Variants in TP63 observed in about 807,000 individuals in gnomAD.
The protein encoded by TP63 is tumor protein p63, also known as tumor protein 63.
In TP63, 17 loss-of-function variants were observed where a neutral mutation model predicts 82.8. The ratio of observed to expected loss-of-function variants is 0.21; its 90% CI spans 0.14 to 0.31. The LOEUF is 0.31. TP63 is among the 10% of genes least tolerant of loss of function. The pLI, the probability that TP63 is intolerant of heterozygous loss-of-function variation, is 1.00. For missense variants in TP63, 648 were observed against 895.3 expected, an observed-to-expected ratio of 0.72 and a Z score of 3.52; for synonymous variants, 330 against 321.7, an observed-to-expected ratio of 1.03 and a Z score of -0.28.
chr3:189,659,886 A>G (rs1427760530), intron 1 of TP63, among the ~76,000 whole-genome samples: 3 of 151,856 alleles, frequency 2.0e-5, no homozygotes, highest in African/African-American at 4.8e-5. Flanking sequence ...TCTTTTGACC[A>G]TTTTTAATGG....
chr3:189,700,855 G>T (rs1286555515), intron 1 of TP63, among the ~76,000 whole-genome samples: 1 of 152,064 alleles, frequency 6.6e-6, no homozygotes, highest in African/African-American at 2.4e-5. Context: ...TTTGGGATGG[G>T]ATGGTAATAA....
At chr3:189,789,730 G>A (rs201196077) in intron 3 of TP63, 89 of 1,288,386 alleles carry the variant, frequency 6.9e-5, no homozygotes, top group Non-Finnish European at 8.2e-5. Flanking sequence ...TAAGGGTCTC[G>A]GGGTGGGGGG....
intron 3 of TP63, among the ~76,000 whole-genome samples, chr3:189,771,676 A>G (rs1723386641): frequency 6.6e-6 from 1 of 151,638 alleles, no homozygotes; most frequent in South Asian, 2.1e-4. Flanking sequence ...CAGTATAAGT[A>G]CAACTCATGA....
chr3:189,826,696 C>T (rs1462170665), intron 4 of TP63, among the ~76,000 whole-genome samples: 4 of 152,114 alleles, frequency 2.6e-5, no homozygotes, highest in Non-Finnish European at 5.9e-5. Flanking sequence ...TACTAACCAC[C>T]GAAACTGGTG....
At chr3:189,745,111 G>A (rs1321192903) in intron 3 of TP63, among the ~76,000 whole-genome samples, 3 of 152,088 alleles carry the variant, frequency 2.0e-5, no homozygotes, top group African/African-American at 4.8e-5. Context: ...AATGTCTTCA[G>A]GAAATTGTCC....
At chr3:189,742,451 A>C (rs187361804) in intron 3 of TP63, among the ~76,000 whole-genome samples, 150 of 151,906 alleles carry the variant, frequency 9.9e-4, no homozygotes, top group African/African-American at 3.3e-3. Context: ...GAACCCTTTT[A>C]ACCTGTATTG....
intron 4 of TP63, among the ~76,000 whole-genome samples, chr3:189,849,768 G>A (rs930382971): frequency 1.3e-5 from 2 of 151,980 alleles, no homozygotes; most frequent in African/African-American, 4.8e-5. Context: ...TGAAGCGCGT[G>A]CTCAATAAAT....
At chr3:189,598,321 G>C in the TP63 span, among the ~76,000 whole-genome samples, 5 of 151,140 alleles carry the variant, frequency 3.3e-5, no homozygotes, top group Non-Finnish European at 4.4e-5. Flanking sequence ...GAACGGAATG[G>C]GAGAGGAGAG....
intron 4 of TP63, among the ~76,000 whole-genome samples, chr3:189,821,532 G>A (rs1055122364): frequency 2.0e-5 from 3 of 152,180 alleles, no homozygotes; most frequent in Non-Finnish European, 4.4e-5. Context: ...GAATTAGAGT[G>A]TTGCCTGGGT....
At chr3:189,600,021 A>C in the TP63 span, among the ~76,000 whole-genome samples, 4 of 152,230 alleles carry the variant, frequency 2.6e-5, no homozygotes, top group East Asian at 5.8e-4. Context: ...CCATTTCAAA[A>C]TCACGTAATT....
intron 5 of TP63, among the ~76,000 whole-genome samples, chr3:189,866,185 A>AGGG (rs1241374052): frequency 6.6e-6 from 1 of 152,186 alleles, no homozygotes; most frequent in Non-Finnish European, 1.5e-5. Context: ...CTTTATAATC[A>AGGG]ACACAATGTT....
rs2108854610 is a variant in TP63, at chr3:189,886,558, G to A, written c.1507+7G>A. 6.2e-7 allele frequency: 1 copy of A among 1,613,910 alleles called. No homozygotes were observed. Among genetic ancestry groups the A allele is most frequent in the South Asian group, 1.1e-5 (1 of 91,074 alleles). ...GATGGCATGGGAGCCAACAGTAAGA[G>A]CATCTCCTTTTAGCTGTGGCTGAAG... On this transcript the variant is annotated splice_region_variant and intron_variant, in intron 11 of 13. Coordinates refer to ENST00000264731, the MANE Select transcript of TP63 (RefSeq NM_003722.5).
chr3:189,875,964 C>G (rs973942178), intron 10 of TP63, among the ~76,000 whole-genome samples: 1 of 151,948 alleles, frequency 6.6e-6, no homozygotes, highest in Non-Finnish European at 1.5e-5. Context: ...TGACTTGATT[C>G]ACGTCACATA....
intron 3 of TP63, among the ~76,000 whole-genome samples, chr3:189,799,081 A>G (rs1236503145): frequency 6.6e-6 from 1 of 152,146 alleles, no homozygotes; most frequent in African/African-American, 2.4e-5. Flanking sequence ...ATTGAGTAGT[A>G]CACTCCTTGT....
chr3:189,791,860 A>G (rs1725175250), intron 3 of TP63, among the ~76,000 whole-genome samples: 1 of 152,124 alleles, frequency 6.6e-6, no homozygotes, highest in South Asian at 2.1e-4. Flanking sequence ...AGAACCATGA[A>G]TTTAATATAA....
At chr3:189,672,266 A>C (rs1714955127) in intron 1 of TP63, among the ~76,000 whole-genome samples, 2 of 152,090 alleles carry the variant, frequency 1.3e-5, no homozygotes, top group Non-Finnish European at 2.9e-5. Flanking sequence ...CATATTAGGA[A>C]AAAAAGTTTT....
At chr3:189,678,422 A>G (rs763670367) in intron 1 of TP63, among the ~76,000 whole-genome samples, 3 of 152,060 alleles carry the variant, frequency 2.0e-5, no homozygotes, top group South Asian at 2.1e-4. Context: ...TGGGTTCTCT[A>G]TTCTGTTACA....
rs566564796 is a variant in TP63, at chr3:189,768,245, G to A, written c.324+29471G>A. Among the ~76,000 whole-genome samples, 9 of 152,076 alleles carry A rather than the reference G, an allele frequency of 5.9e-5. No homozygotes were observed. In the South Asian group the frequency reaches 1.9e-3, roughly 32 times the overall value. On this transcript the variant is annotated intron_variant, in intron 3 of 13. Coordinates refer to ENST00000264731, the MANE Select transcript of TP63 (RefSeq NM_003722.5). ...ATAAAGAGCTTACCACAATAGCATT[G>A]GTTCAATAAACGTGGGCTTTTCTTT...
chr3:189,673,710 C>T (rs1457253872), intron 1 of TP63, among the ~76,000 whole-genome samples: 1 of 152,026 alleles, frequency 6.6e-6, no homozygotes, highest in Non-Finnish European at 1.5e-5. Flanking sequence ...TCTGTTATAC[C>T]TTGTGTAGAG....
Sources: allele counts gnomAD v4.1 joint callset (sites outside exome capture counted in the v4.1 genomes callset), GRCh38; gene constraint gnomAD v4.1.1; transcripts MANE v1.5; gene names NCBI Gene and HGNC (gene_info 2026-07-23, HGNC 2026-07-21).